MKLN1: variants seen among roughly 807,000 people sequenced by gnomAD.
MKLN1 encodes muskelin.
MKLN1 carries 18 observed loss-of-function variants against 99.0 expected under a neutral mutation model. The observed-to-expected ratio is 0.18, with a 90% CI of 0.13 to 0.27. The LOEUF (loss-of-function observed/expected upper bound fraction) is 0.27, where lower values mean the gene tolerates loss of function less well. Ranked by LOEUF, MKLN1 falls within the 10% of genes least tolerant of loss-of-function variation. The pLI, the probability that MKLN1 is intolerant of heterozygous loss-of-function variation, is 1.00. For missense variants in MKLN1, 621 were observed against 875.9 expected, an observed-to-expected ratio of 0.71 and a Z score of 3.67; for synonymous variants, 288 against 293.2, an observed-to-expected ratio of 0.98 and a Z score of 0.18.
chr7:131,178,864 G>A (rs1796338996), intron 2 of MKLN1, among the ~76,000 whole-genome samples: 1 of 152,090 alleles, frequency 6.6e-6, no homozygotes, highest in South Asian at 2.1e-4. Flanking sequence ...TTTGCCTTTT[G>A]ACACAGAGAT....
intron 16 of MKLN1, among the ~76,000 whole-genome samples, chr7:131,477,316 G>A (rs1381106890): frequency 6.6e-6 from 1 of 151,746 alleles, no homozygotes; most frequent in East Asian, 1.9e-4. Flanking sequence ...GGAGGCCTAG[G>A]AGGAAGGATT....
chr7:131,495,498 AAAG>A lies in MKLN1; in HGVS notation c.*7776_*7778del, dbSNP rs149517010. 4.5e-3 allele frequency: 692 copies of A among 152,316 alleles called. 5 individuals are homozygous for A. Among genetic ancestry groups the A allele is most frequent in the African/African-American group, 0.016 (649 of 41,564 alleles). The allele number at this position is 152,316 out of a possible 1,614,324, so 9.4% of individuals were successfully genotyped here. On this transcript the variant is annotated 3_prime_UTR_variant, in exon 18 of 18. Transcript: ENST00000352689. ...AAAAAACTAGGAAATTACTAAGTATAAAGAAGAAAAACCAGTATTAATTAAGTG... is the reference window on the plus strand; with the variant it reads ...AAAAAACTAGGAAATTACTAAGTATAAAGAAAAACCAGTATTAATTAAGTG...
At chr7:131,193,994 C>T (rs1239683338) in intron 2 of MKLN1, among the ~76,000 whole-genome samples, 1 of 129,614 alleles carries the variant, frequency 7.7e-6, no homozygotes, top group African/African-American at 3.0e-5. Flanking sequence ...ATTTTTCTTG[C>T]TTTGTTTTGT....
intron 3 of MKLN1, among the ~76,000 whole-genome samples, chr7:131,303,466 C>A (rs2116624165): frequency 6.6e-6 from 1 of 152,336 alleles, no homozygotes; most frequent in South Asian, 2.1e-4. Flanking sequence ...GTATTCTTTG[C>A]TTTTTGTTTG....
chr7:131,262,000 T>C (rs1013701466), intron 3 of MKLN1, among the ~76,000 whole-genome samples: 4 of 151,302 alleles, frequency 2.6e-5, no homozygotes, highest in African/African-American at 9.7e-5. Context: ...GTGTGGAGGG[T>C]GGGAGAAGGG....
At chr7:131,168,581 A>G (rs1264605433) in intron 2 of MKLN1, among the ~76,000 whole-genome samples, 2 of 152,126 alleles carry the variant, frequency 1.3e-5, no homozygotes, top group Non-Finnish European at 2.9e-5. Context: ...ACCACCTGAC[A>G]TATTATGTAT....
upstream of MKLN1, chr7:131,323,326 G>T (rs1397947614): frequency 6.6e-6 from 1 of 152,162 alleles, no homozygotes; most frequent in Non-Finnish European, 1.5e-5. Context: ...GAAAGCCTCT[G>T]AAGTCTTTTA....
At chr7:131,278,962 A>G (rs1288435293) in intron 3 of MKLN1, among the ~76,000 whole-genome samples, 2 of 152,172 alleles carry the variant, frequency 1.3e-5, no homozygotes, top group African/African-American at 4.8e-5. Context: ...GACTAAATGT[A>G]ATTTTTATTA....
intron 3 of MKLN1, among the ~76,000 whole-genome samples, chr7:131,255,497 G>A (rs1490398276): frequency 1.3e-5 from 2 of 152,200 alleles, no homozygotes; most frequent in Non-Finnish European, 2.9e-5. Flanking sequence ...AGAAGGCAGT[G>A]GGATGGAATA....
chr7:131,249,286 T>C (rs1288044078), intron 3 of MKLN1, among the ~76,000 whole-genome samples: 1 of 152,202 alleles, frequency 6.6e-6, no homozygotes, highest in Non-Finnish European at 1.5e-5. Context: ...AGAGCTGAGC[T>C]GGGGCAACTG....
chr7:131,351,500 G>T (rs1365833582), intron 1 of MKLN1, among the ~76,000 whole-genome samples: 4 of 151,786 alleles, frequency 2.6e-5, no homozygotes, highest in Non-Finnish European at 5.9e-5. Context: ...TTGCTCTGTT[G>T]CCCAGGCTGG....
Position 131,421,341 on chromosome 7 carries a change from G to A in MKLN1, c.847+6631G>A, listed in dbSNP as rs1328450294. Among the ~76,000 whole-genome samples, 3 of 152,044 alleles carry A rather than the reference G, an allele frequency of 2.0e-5. No individual in the cohort carries two copies. In the East Asian group the frequency reaches 5.8e-4, roughly 29 times the overall value. On this transcript the variant is annotated intron_variant, in intron 8 of 17. Transcript: ENST00000352689. ...TGATCAGCAGTTACCTTAATTATCA[G>A]GTTGATCTTAATCACTTTCAAAGAG...
rs539867349 is a variant in MKLN1, at chr7:131,243,258, C to T, written c.-179+40284C>T. ...AGAAAAATTGTGCCACTCAAATACTCTACACCTATGTCTAGCCATGTCACA... is the reference window on the plus strand; with the variant it reads ...AGAAAAATTGTGCCACTCAAATACTTTACACCTATGTCTAGCCATGTCACA... On this transcript the variant is annotated intron_variant, in intron 3 of 7. Coordinates refer to the MKLN1 transcript ENST00000416992. Among the ~76,000 whole-genome samples the T allele has an allele frequency of 3.3e-5, 5 of 152,308 alleles. No individual in the cohort carries two copies. The South Asian group carries it at 8.3e-4, about 25-fold the overall frequency.
At chr7:131,467,374 A>G (rs1203310322) in intron 15 of MKLN1, among the ~76,000 whole-genome samples, 1 of 152,218 alleles carries the variant, frequency 6.6e-6, no homozygotes, top group African/African-American at 2.4e-5. Flanking sequence ...GTTAGATGGT[A>G]AGTACAATGA....
intron 3 of MKLN1, among the ~76,000 whole-genome samples, chr7:131,214,689 G>A (rs1054785126): frequency 2.0e-5 from 3 of 152,162 alleles, no homozygotes; most frequent in African/African-American, 7.2e-5. Context: ...CCAAATGCAT[G>A]TAATTTTTGA....
rs1414738217 is a variant in MKLN1, at chr7:131,484,580, A to T, written c.2087-3027A>T. On this transcript the variant is annotated intron_variant, in intron 17 of 17. Transcript: ENST00000352689. ...TGTTTTTTCCTTCTTAGATAATTTG[A>T]TCTCAAGAAAATGGTGTTACTTTAT... Among the ~76,000 whole-genome samples, 8 of 152,166 alleles carry T rather than the reference A, an allele frequency of 5.3e-5. No individual in the cohort carries two copies. The East Asian group carries it at 1.5e-3, about 29-fold the overall frequency.
At chr7:131,480,542 A>G (rs975250055) in intron 17 of MKLN1, among the ~76,000 whole-genome samples, 6 of 152,192 alleles carry the variant, frequency 3.9e-5, no homozygotes, top group African/African-American at 1.2e-4. Flanking sequence ...CAGAATATGT[A>G]GGATTCCTCA....
At chr7:131,242,580 G>T in intron 3 of MKLN1, 1 of 465,338 alleles carries the variant, frequency 2.1e-6, no homozygotes, top group East Asian at 5.2e-5. Flanking sequence ...GGCCCGAGGG[G>T]TTGCTGCTGA....
chr7:131,385,163 G>C (rs886487192), intron 2 of MKLN1, among the ~76,000 whole-genome samples: 1 of 152,124 alleles, frequency 6.6e-6, no homozygotes, highest in East Asian at 1.9e-4. Context: ...TGTTTTTGAG[G>C]TTAATCCAGG....
Sources: gnomAD v4.1 joint callset for allele counts (sites outside exome capture counted in the v4.1 genomes callset) on GRCh38, gnomAD v4.1.1 for gene constraint, MANE v1.5 for transcripts, NCBI Gene and HGNC (gene_info 2026-07-23, HGNC 2026-07-21) for gene names.